Variants in ZC3H14 observed in about 807,000 individuals in gnomAD.
The protein encoded by ZC3H14 is zinc finger CCCH domain-containing protein 14.
A neutral mutation model predicts 92.4 loss-of-function variants in ZC3H14; 31 were observed. The observed-to-expected ratio is 0.34, with a 90% CI of 0.25 to 0.45. ZC3H14 has a LOEUF of 0.45. Among genes scored for constraint, ZC3H14 ranks in the 20% least tolerant of loss-of-function variants. The pLI is 1.00. For missense variants in ZC3H14, 781 were observed against 897.3 expected, an observed-to-expected ratio of 0.87 and a Z score of 1.66; for synonymous variants, 321 against 300.9, an observed-to-expected ratio of 1.07 and a Z score of -0.69.
At position 88,618,011 on chromosome 14, in the gene ZC3H14, T is replaced by TAA. The variant is rs35255737; in HGVS notation, c.*6269_*6270dup. ...TTTAAAGTTAAAACTTTGATTTCCT[T>TAA]AAAAAAAAAACTTGATAAATCATGG... On this transcript the variant is annotated 3_prime_UTR_variant, in exon 17 of 17. Transcript: ENST00000251038. The TAA allele has an allele frequency of 0.14, 39,213 of 280,764 alleles. 7 individuals carry two copies. The highest frequency in any genetic ancestry group is 0.2 in the Middle Eastern group (179 of 910). 17.4% of individuals were successfully genotyped at this position (280,764 alleles called of 1,614,324 possible). A position where few individuals can be genotyped will look rare whatever the true frequency, so the allele number is the denominator to read the frequency against.
chr14:88,621,034 T>C lies in ZC3H14; in HGVS notation c.*9283T>C. 1 of 1,493,734 alleles carries C rather than the reference T, an allele frequency of 6.7e-7. No individual in the cohort carries two copies. Among genetic ancestry groups the C allele is most frequent in the South Asian group, 1.4e-5 (1 of 72,800 alleles). 92.5% of individuals were successfully genotyped at this position (1,493,734 alleles called of 1,614,324 possible). On this transcript the variant is annotated 3_prime_UTR_variant, in exon 17 of 17. Transcript: ENST00000251038. Reference sequence around the variant, plus strand: ...TGCTCAACAGAATTCTGGCAGTTCTTTAAGTACTAGCAATTTAGAACTTCC... The same window carrying C: ...TGCTCAACAGAATTCTGGCAGTTCTCTAAGTACTAGCAATTTAGAACTTCC...
chr14:88,601,776 A>G (rs1218168622), intron 10 of ZC3H14, 148 bp from the exon 11 acceptor site: 3 of 895,078 alleles, frequency 3.4e-6, no homozygotes, highest in African/African-American at 1.7e-5. Context: ...ATAGAATTAT[A>G]GCCCTGTTTT....
rs1215179602 is a variant in ZC3H14, at chr14:88,609,805, T to A, written c.2097+2T>A. ...GAATGTCCCTTCTATCATCCAAAAG[T>A]AAGAACTTCTATTTTCTCAAATCAA... On this transcript the variant is annotated splice_donor_variant, in intron 15 of 16. Coordinates refer to ENST00000251038, the MANE Select transcript of ZC3H14 (RefSeq NM_024824.5). LOFTEE classifies it high-confidence loss of function. The A allele has an allele frequency of 6.2e-7, 1 of 1,613,276 alleles. No homozygotes were observed. The highest frequency in any genetic ancestry group is 8.5e-7 in the Non-Finnish European group (1 of 1,179,430).
chr14:88,563,189 G>T lies in ZC3H14; in HGVS notation c.36+20G>T. On this transcript the variant is annotated intron_variant, in intron 1 of 16. Transcript: ENST00000251038. ...ATCCGGGTGAGGCCCGTGCCGGTCGGGGGTGGGAAGCCAGGTCTCGGCGAG... is the reference window on the plus strand; with the variant it reads ...ATCCGGGTGAGGCCCGTGCCGGTCGTGGGTGGGAAGCCAGGTCTCGGCGAG... The T allele has an allele frequency of 1.2e-6, 2 of 1,602,422 alleles. No homozygotes were observed. The highest frequency in any genetic ancestry group is 1.1e-5 in the South Asian group (1 of 89,458).
At chr14:88,580,588 T>C (rs1025040523) in intron 9 of ZC3H14, among the ~76,000 whole-genome samples, 6 of 152,058 alleles carry the variant, frequency 3.9e-5, no homozygotes, top group Admixed American at 2.0e-4. Context: ...ATATTGATAA[T>C]AGGCAATAGA....
chr14:88,591,996 T>C (rs1007972046), intron 9 of ZC3H14: 5 of 152,216 alleles, frequency 3.3e-5, no homozygotes, highest in African/African-American at 1.2e-4. Flanking sequence ...GAGTTCTTGG[T>C]AGGAGTAAAT....
At chr14:88,582,872 A>G (rs192866105) in intron 9 of ZC3H14, among the ~76,000 whole-genome samples, 3 of 152,110 alleles carry the variant, frequency 2.0e-5, no homozygotes, top group Non-Finnish European at 4.4e-5. Context: ...ATAAACATGC[A>G]CTCGTATTGG....
At chr14:88,607,492 C>T (rs997589314) in intron 13 of ZC3H14, 129 bp downstream of exon 13, 29 of 1,058,176 alleles carry the variant, frequency 2.7e-5, no homozygotes, top group Admixed American at 1.8e-5. Context: ...TCCCCCACAT[C>T]TCAACCCTCA....
chr14:88,569,892 T>G (rs1177702175), intron 3 of ZC3H14, among the ~76,000 whole-genome samples: 1 of 152,188 alleles, frequency 6.6e-6, no homozygotes, highest in African/African-American at 2.4e-5. Flanking sequence ...GCTGCCTCAC[T>G]GTGGGTGACC....
At chr14:88,605,673 T>C (rs909412689) in intron 12 of ZC3H14, among the ~76,000 whole-genome samples, 1 of 152,340 alleles carries the variant, frequency 6.6e-6, no homozygotes, top group Admixed American at 6.5e-5. Flanking sequence ...TAAAGTAGCA[T>C]AGAAAACTGT....
At chr14:88,566,722 C>G (rs1006134667) in intron 2 of ZC3H14, among the ~76,000 whole-genome samples, 1 of 152,052 alleles carries the variant, frequency 6.6e-6, no homozygotes. Flanking sequence ...GAGTTCGAGA[C>G]CAGCCTAGTC....
chr14:88,627,080 ACAAGAAC>A lies in ZC3H14; in HGVS notation c.*15334_*15340del. Reference sequence around the variant, plus strand: ...ATACAACAAAATTATCTAGGTTATTACAAGAACCAAGCTAATCAACAGCATCAAACAA... The same window carrying A: ...ATACAACAAAATTATCTAGGTTATTACAAGCTAATCAACAGCATCAAACAA... On this transcript the variant is annotated 3_prime_UTR_variant, in exon 17 of 17. Transcript: ENST00000251038. 6.3e-7 allele frequency: 1 copy of A among 1,598,696 alleles called. No individual in the cohort carries two copies. Among genetic ancestry groups the A allele is most frequent in the East Asian group, 2.2e-5 (1 of 44,814 alleles).
At position 88,616,165 on chromosome 14, in the gene ZC3H14, A is replaced by C. The variant is rs548701887; in HGVS notation, c.*4414A>C. On this transcript the variant is annotated 3_prime_UTR_variant, in exon 17 of 17. Coordinates refer to ENST00000251038, the MANE Select transcript of ZC3H14 (RefSeq NM_024824.5). The stretch of plus-strand genomic sequence containing the variant: ...ACCTGCAGTCATCACCTCCAGCACT[A>C]ACAACATGTCGATCACCACTGGTAA... 2.7e-5 allele frequency: 44 copies of C among 1,613,922 alleles called. No homozygotes were observed. The highest frequency in any genetic ancestry group is 1.6e-4 in the Middle Eastern group (1 of 6,062).
At position 88,627,167 on chromosome 14, in the gene ZC3H14, C is replaced by A; in HGVS notation, c.*15416C>A. 2 of 885,394 alleles carry A rather than the reference C, an allele frequency of 2.3e-6. No individual in the cohort carries two copies. Among genetic ancestry groups the A allele is most frequent in the East Asian group, 4.9e-5 (2 of 40,884 alleles). The allele number at this position is 885,394 out of a possible 1,614,324, so 54.8% of individuals were successfully genotyped here. A position where few individuals can be genotyped will look rare whatever the true frequency, so the allele number is the denominator to read the frequency against. The stretch of plus-strand genomic sequence containing the variant: ...AGGCTTAGAAGAGAGGCCAATGGCC[C>A]CTGCTCTACTACCTAGCAATACATG... On this transcript the variant is annotated 3_prime_UTR_variant, in exon 17 of 17. Coordinates refer to ENST00000251038, the MANE Select transcript of ZC3H14 (RefSeq NM_024824.5).
Position 88,616,545 on chromosome 14 carries a change from T to G in ZC3H14, c.*4794T>G. The stretch of plus-strand genomic sequence containing the variant: ...TTTTGTAGGATGGTTCCAAAGATGG[T>G]ATTACTCGAGGGAGAGGATTTGTTT... On this transcript the variant is annotated 3_prime_UTR_variant, in exon 17 of 17. Coordinates refer to ENST00000251038, the MANE Select transcript of ZC3H14 (RefSeq NM_024824.5). 2 of 633,142 alleles carry G rather than the reference T, an allele frequency of 3.2e-6. No individual in the cohort carries two copies. The highest frequency in any genetic ancestry group is 4.6e-5 in the South Asian group (2 of 43,204). 39.2% of individuals were successfully genotyped at this position (633,142 alleles called of 1,614,324 possible).
At chr14:88,595,775 GA>G (rs2139980500) in intron 9 of ZC3H14, among the ~76,000 whole-genome samples, 1 of 152,324 alleles carries the variant, frequency 6.6e-6, no homozygotes, top group African/African-American at 2.4e-5. Flanking sequence ...TCTTTGCACT[GA>G]GTAAGCAAAG....
At chr14:88,573,151 CG>C in intron 6 of ZC3H14, 144 bp downstream of exon 6, 1 of 895,998 alleles carries the variant, frequency 1.1e-6, no homozygotes, top group Non-Finnish European at 1.7e-6. Flanking sequence ...GAGGCCGAGG[CG>C]GGTGGATCAC....
intron 10 of ZC3H14, among the ~76,000 whole-genome samples, chr14:88,599,677 G>A (rs953584414): frequency 3.9e-5 from 6 of 152,034 alleles, no homozygotes; most frequent in African/African-American, 7.3e-5. Flanking sequence ...ATGTGTCAGC[G>A]CATCTCCTCC....
chr14:88,579,244 T>C (rs2139712101), intron 9 of ZC3H14, among the ~76,000 whole-genome samples: 1 of 152,328 alleles, frequency 6.6e-6, no homozygotes, highest in Admixed American at 6.5e-5. Context: ...CCTCATTGTG[T>C]CTCTTTAAAA....
Sources: gnomAD v4.1 joint callset for allele counts (sites outside exome capture counted in the v4.1 genomes callset) on GRCh38, gnomAD v4.1.1 for gene constraint, MANE v1.5 for transcripts, NCBI Gene and HGNC (gene_info 2026-07-23, HGNC 2026-07-21) for gene names.